The following YIPF1 variants were observed in gnomAD, a reference collection of about 807,000 sequenced individuals.
YIPF1 encodes the protein protein YIPF1.
In YIPF1, 22 loss-of-function variants were observed where a neutral mutation model predicts 37.0. The observed-to-expected ratio is 0.59, with a 90% confidence interval of 0.42 to 0.85. The LOEUF is 0.85. Ranked by LOEUF, YIPF1 falls within the 40% of genes least tolerant of loss-of-function variation. YIPF1 has a pLI of 0.00. For synonymous variants in YIPF1, 128 were observed against 131.9 expected, an observed-to-expected ratio of 0.97 and a Z score of 0.21; for missense variants, 355 against 373.1, an observed-to-expected ratio of 0.95 and a Z score of 0.40.
intron 7 of YIPF1, among the ~76,000 whole-genome samples, chr1:53,868,210 A>G (rs1420326313): frequency 6.6e-6 from 1 of 152,198 alleles, no homozygotes; most frequent in Non-Finnish European, 1.5e-5. Context: ...GAAGAGGAGG[A>G]AATTACTCCC....
intron 3 of YIPF1, among the ~76,000 whole-genome samples, chr1:53,884,427 A>G (rs997538960): frequency 6.6e-6 from 1 of 152,202 alleles, no homozygotes; most frequent in African/African-American, 2.4e-5. Flanking sequence ...AGAACATGAT[A>G]CTATAATTAA....
intron 3 of YIPF1, among the ~76,000 whole-genome samples, chr1:53,883,775 C>T (rs924823686): frequency 9.2e-5 from 14 of 152,208 alleles, no homozygotes; most frequent in African/African-American, 3.4e-4. Context: ...CAGTGACTCA[C>T]GCCTGTAATC....
intron 4 of YIPF1, 108 bp from the exon 5 acceptor site, chr1:53,878,830 CAAT>C: frequency 2.1e-6 from 2 of 963,438 alleles, no homozygotes; most frequent in Non-Finnish European, 1.5e-6. Flanking sequence ...ACGTTTGAAA[CAAT>C]AGGCTCTTCC....
In YIPF1 at chr1:53,878,657, A is replaced by G. The variant is rs1316847366; in HGVS notation, c.261T>C (p.Asp87=). ...GTTTCCAAACCTGGTAGGTGTCCAC[A>G]TCAAAGAATGTTTGGTAGTATTCAA... is the stretch of plus-strand genomic sequence containing the variant. ...WTFEYYQTFF[D]VDTYQVFDRI... Residue 87 remains aspartate, a synonymous_variant, in exon 5 of 11, where the codon GAT becomes GAC. Transcript: ENST00000072644. The G allele has an allele frequency of 3.7e-6, 6 of 1,604,458 alleles. No individual in the cohort carries two copies. The Admixed American group carries it at 8.9e-5, about 24-fold the overall frequency.
intron 9 of YIPF1, among the ~76,000 whole-genome samples, chr1:53,865,717 A>C (rs928990214): frequency 7.9e-5 from 12 of 152,168 alleles, no homozygotes. Context: ...CTAAAGCCAA[A>C]TTCTCATAAT....
At chr1:53,873,012 T>C (rs1159766742) in intron 6 of YIPF1, among the ~76,000 whole-genome samples, 1 of 152,224 alleles carries the variant, frequency 6.6e-6, no homozygotes, top group Non-Finnish European at 1.5e-5. Flanking sequence ...GTGTTATAGA[T>C]GAGCTGAGAC....
intron 10 of YIPF1, among the ~76,000 whole-genome samples, chr1:53,855,453 T>C (rs1649695359): frequency 6.6e-6 from 1 of 152,134 alleles, no homozygotes; most frequent in Non-Finnish European, 1.5e-5. Context: ...AGATATTCTT[T>C]ATATTATTTC....
Position 53,866,858 on chromosome 1 carries a change from A to C in YIPF1, c.548T>G (p.Leu183Arg), listed in dbSNP as rs1365067435. 1 of 1,614,222 alleles carries C rather than the reference A, an allele frequency of 6.2e-7. No homozygotes were observed. Among genetic ancestry groups the C allele is most frequent in the Non-Finnish European group, 8.5e-7 (1 of 1,180,036 alleles). ...WLVPLALWGFLMWRNSKVMNI... is the reference protein window; with the variant it reads ...WLVPLALWGFRMWRNSKVMNI... ...CATAACTTTGCTGTTTCTCCACATGAGGAAACCCCAGAGTGCAAGAGGAAC... is the reference window on the plus strand; with the variant it reads ...CATAACTTTGCTGTTTCTCCACATGCGGAAACCCCAGAGTGCAAGAGGAAC... The change falls in exon 8 of 11, where the codon CTC (leucine) becomes CGC (arginine). Residue 183 changes from leucine (L) to arginine (R), a missense_variant. By Grantham distance (102) the Leu-to-Arg change is moderately radical (BLOSUM62 -2). Coordinates refer to ENST00000072644, the MANE Select transcript of YIPF1 (RefSeq NM_018982.5).
chr1:53,883,839 C>A (rs564684867), intron 3 of YIPF1, among the ~76,000 whole-genome samples: 1 of 151,638 alleles, frequency 6.6e-6, no homozygotes, highest in East Asian at 2.0e-4. Context: ...GGAGTTCGAC[C>A]AGCCTGGCCA....
intron 3 of YIPF1, among the ~76,000 whole-genome samples, chr1:53,884,160 C>T (rs1650576880): frequency 1.4e-5 from 2 of 143,466 alleles, no homozygotes; most frequent in African/African-American, 5.2e-5. Context: ...GCTCGAGCCT[C>T]AGAGGTAGAG....
chr1:53,881,882 T>C (rs1483184889), intron 4 of YIPF1, among the ~76,000 whole-genome samples: 1 of 152,146 alleles, frequency 6.6e-6, no homozygotes, highest in Non-Finnish European at 1.5e-5. Context: ...GAAATATAAA[T>C]CATTCTATTA....
At chr1:53,875,792 A>G (rs1650320439) in intron 6 of YIPF1, among the ~76,000 whole-genome samples, 1 of 152,138 alleles carries the variant, frequency 6.6e-6, no homozygotes, top group African/African-American at 2.4e-5. Context: ...ATCTACATAA[A>G]TCACTCCCAA....
At chr1:53,876,550 A>G (rs549306222) in intron 6 of YIPF1, among the ~76,000 whole-genome samples, 11 of 152,212 alleles carry the variant, frequency 7.2e-5, no homozygotes, top group Non-Finnish European at 1.5e-4. Context: ...GTCACAGAAA[A>G]GAAGCAAGCC....
chr1:53,866,809 C>T lies in YIPF1; in HGVS notation c.597G>A (p.Leu199=), dbSNP rs749948732. ...KVMNIVSYSF[L]EIVCVYGYSL... is the part of the protein sequence containing the mutation. Reference sequence around the variant, plus strand: ...AATATCCATAGACACACACAATCTCCAGAAATGAATAGGAGACGATGTTCA... The same window carrying T: ...AATATCCATAGACACACACAATCTCTAGAAATGAATAGGAGACGATGTTCA... Residue 199 remains leucine, a synonymous_variant, in exon 8 of 11, where the codon CTG becomes CTA. Transcript: ENST00000072644. The T allele has an allele frequency of 6.2e-7, 1 of 1,614,122 alleles. No individual in the cohort carries two copies. The highest frequency in any genetic ancestry group is 8.5e-7 in the Non-Finnish European group (1 of 1,180,022).
At chr1:53,861,686 G>GGA (rs1649884045) in intron 9 of YIPF1, among the ~76,000 whole-genome samples, 1 of 123,084 alleles carries the variant, frequency 8.1e-6, no homozygotes, top group Non-Finnish European at 1.7e-5. Flanking sequence ...GGAAGGGAGA[G>GGA]AGAGAGGGAG....
intron 4 of YIPF1, among the ~76,000 whole-genome samples, chr1:53,879,100 G>A (rs571767890): frequency 1.9e-4 from 24 of 126,686 alleles, no homozygotes; most frequent in African/African-American, 6.7e-4. Context: ...ATATCTTTTC[G>A]CTTTTTTTTT....
At chr1:53,862,384 G>A (rs570240318) in intron 9 of YIPF1, among the ~76,000 whole-genome samples, 1 of 152,300 alleles carries the variant, frequency 6.6e-6, no homozygotes, top group Admixed American at 6.5e-5. Flanking sequence ...AGACCTCAAA[G>A]CTGAATCAGC....
At chr1:53,865,525 C>A (rs1045313805) in intron 9 of YIPF1, among the ~76,000 whole-genome samples, 39 of 152,078 alleles carry the variant, frequency 2.6e-4, no homozygotes, top group African/African-American at 9.4e-4. Context: ...TGTCTGTACA[C>A]CATTTTTATA....
chr1:53,866,127 G>A, intron 9 of YIPF1, 73 bp downstream of exon 9: 2 of 1,525,074 alleles, frequency 1.3e-6, no homozygotes, highest in Non-Finnish European at 8.9e-7. Context: ...AAGAACTGTT[G>A]TGTCTAACAG....
Sources: gnomAD v4.1 joint callset for allele counts (sites outside exome capture counted in the v4.1 genomes callset) on GRCh38, gnomAD v4.1.1 for gene constraint, MANE v1.5 for transcripts, NCBI Gene and HGNC (gene_info 2026-07-23, HGNC 2026-07-21) for gene names.